Variants in TNIP1 observed in about 807,000 individuals in gnomAD.
TNIP1 encodes TNFAIP3-interacting protein 1.
A neutral mutation model predicts 86.6 loss-of-function variants in TNIP1; 22 were observed. The ratio of observed to expected loss-of-function variants is 0.25; its 90% CI spans 0.18 to 0.36. The LOEUF (loss-of-function observed/expected upper bound fraction) is 0.36, where lower values mean the gene tolerates loss of function less well. TNIP1 is among the 10% of genes least tolerant of loss of function. TNIP1 has a pLI of 1.00. For missense variants in TNIP1, 709 were observed against 820.6 expected (o/e 0.86, Z 1.66); for synonymous variants, 294 against 313.0 (o/e 0.94, Z 0.64).
intron 1 of TNIP1, among the ~76,000 whole-genome samples, chr5:151,073,964 A>G (rs901230794): frequency 1.3e-4 from 20 of 152,228 alleles, no homozygotes; most frequent in African/African-American, 4.3e-4. Flanking sequence ...CTACTAGTAG[A>G]CTGCTCTACA....
intron 8 of TNIP1, chr5:151,046,255 C>T (rs1759151615): frequency 4.9e-6 from 2 of 404,306 alleles, no homozygotes; most frequent in South Asian, 2.5e-5. Flanking sequence ...AGCCACTCTC[C>T]TCACTCCCTA....
Position 151,063,607 on chromosome 5 carries a change from T to C in TNIP1, c.271+6A>G, listed in dbSNP as rs922491845. Reference sequence around the variant, plus strand: ...AGAGTCAGAGGTACCCAGACTCCTCTTATACCTGTGAGCTCAGCCAGGGGG... The same window carrying C: ...AGAGTCAGAGGTACCCAGACTCCTCCTATACCTGTGAGCTCAGCCAGGGGG... On this transcript the variant is annotated splice_donor_region_variant and intron_variant, in intron 3 of 17. Transcript: ENST00000521591. 20 of 1,613,812 alleles carry C rather than the reference T, an allele frequency of 1.2e-5. No individual in the cohort carries two copies. In the African/African-American group the frequency reaches 1.9e-4, roughly 15 times the overall value.
At chr5:151,042,486 T>C (rs1413807175) in intron 11 of TNIP1, 54 bp downstream of exon 11, 29 of 1,587,216 alleles carry the variant, frequency 1.8e-5, no homozygotes, top group Middle Eastern at 1.7e-4. Context: ...TCCACAGAAC[T>C]CTCCGCTAAT....
chr5:151,063,897 G>A lies in TNIP1; in HGVS notation c.137-150C>T, dbSNP rs924349838. The stretch of plus-strand genomic sequence containing the variant: ...CCACCGTTGCTCTGTGGGCCAAGTG[G>A]GACAAACTCCATGCTGGTCCACCAT... On this transcript the variant is annotated intron_variant, in intron 2 of 17. Transcript: ENST00000521591. The A allele has an allele frequency of 9.5e-6, 9 of 950,052 alleles. No homozygotes were observed. In the African/African-American group the frequency reaches 1.5e-4, roughly 16 times the overall value. 58.9% of individuals were successfully genotyped at this position (950,052 alleles called of 1,614,324 possible).
chr5:151,029,956 C>T lies in TNIP1; in HGVS notation c.*757G>A. Reference sequence around the variant, plus strand: ...CATGAGTCAGAATGTTGATCTTCTTCAACTTGGATTTATGTCCATGATTCG... The same window carrying T: ...CATGAGTCAGAATGTTGATCTTCTTTAACTTGGATTTATGTCCATGATTCG... On this transcript the variant is annotated 3_prime_UTR_variant, in exon 18 of 18. Transcript: ENST00000521591. The T allele has an allele frequency of 2.4e-6, 1 of 419,906 alleles. No homozygotes were observed. Among genetic ancestry groups the T allele is most frequent in the South Asian group, 1.6e-5 (1 of 62,028 alleles). The allele number at this position is 419,906 out of a possible 1,614,324, so 26.0% of individuals were successfully genotyped here. A position where few individuals can be genotyped will look rare whatever the true frequency, so the allele number is the denominator to read the frequency against.
chr5:151,061,463 T>A (rs1285066195), intron 4 of TNIP1, among the ~76,000 whole-genome samples: 1 of 150,668 alleles, frequency 6.6e-6, no homozygotes, highest in Non-Finnish European at 1.5e-5. Context: ...GCAAAACTTC[T>A]CCAGCCAAAT....
intron 17 of TNIP1, 161 bp downstream of exon 17, chr5:151,032,126 C>T (rs1756981559): frequency 1.5e-5 from 9 of 619,826 alleles, no homozygotes; most frequent in Non-Finnish European, 2.6e-5. Flanking sequence ...CCCCCTCACT[C>T]TGTGGTTGCC....
intron 12 of TNIP1, 163 bp from the exon 13 acceptor site, chr5:151,037,084 C>T: frequency 2.4e-6 from 2 of 821,238 alleles, no homozygotes; most frequent in Non-Finnish European, 3.6e-6. Context: ...TTGCATTCTA[C>T]ACATATCATT....
chr5:151,049,722 A>T, intron 8 of TNIP1, 102 bp downstream of exon 8: 1 of 1,403,356 alleles, frequency 7.1e-7, no homozygotes, highest in Non-Finnish European at 1.0e-6. Flanking sequence ...TACCACTGGC[A>T]CTGGCTGCAG....
chr5:151,033,201 C>CGGAGG (rs1471563173), intron 16 of TNIP1, among the ~76,000 whole-genome samples: 3 of 65,956 alleles, frequency 4.5e-5, no homozygotes, highest in African/African-American at 1.2e-4. Flanking sequence ...GGGAGAGGAG[C>CGGAGG]GGAGGGGAGG....
chr5:151,041,071 CTTTT>C (rs397944698), intron 11 of TNIP1, among the ~76,000 whole-genome samples: 1 of 139,448 alleles, frequency 7.2e-6, no homozygotes, highest in Admixed American at 7.1e-5. Flanking sequence ...CTTCGTAGTA[CTTTT>C]TTTTTTTTTT....
exon 1 of TNIP1, chr5:151,087,151 G>C (rs935956776): frequency 6.5e-6 from 1 of 152,746 alleles, no homozygotes; most frequent in African/African-American, 2.4e-5. Context: ...AAGGCTCCTC[G>C]GCTCACTGTG....
At chr5:151,051,098 T>C (rs1759871738) in intron 7 of TNIP1, among the ~76,000 whole-genome samples, 1 of 152,138 alleles carries the variant, frequency 6.6e-6, no homozygotes. Context: ...GTGACTTTTT[T>C]CCCCAGCTTC....
upstream of TNIP1, among the ~76,000 whole-genome samples, chr5:151,084,691 G>A (rs1245542509): frequency 6.6e-6 from 1 of 152,204 alleles, no homozygotes; most frequent in Non-Finnish European, 1.5e-5. Flanking sequence ...GAGAATGAGT[G>A]AATCAGGGCC....
chr5:151,078,818 G>A (rs939820870), intron 1 of TNIP1, among the ~76,000 whole-genome samples: 6 of 152,318 alleles, frequency 3.9e-5, no homozygotes, highest in East Asian at 3.9e-4. Flanking sequence ...AAATCACAGC[G>A]GGTACAGGAG....
intron 9 of TNIP1, among the ~76,000 whole-genome samples, chr5:151,044,665 C>T (rs569235252): frequency 6.6e-6 from 1 of 152,264 alleles, no homozygotes; most frequent in South Asian, 2.1e-4. Flanking sequence ...AGAGAAGCAC[C>T]TGGGCTGTGT....
chr5:151,062,034 AC>A, intron 4 of TNIP1, 92 bp downstream of exon 4: 1 of 1,183,630 alleles, frequency 8.4e-7, no homozygotes, highest in Non-Finnish European at 1.2e-6. Flanking sequence ...CAGTTTCTTG[AC>A]CTCAACCCTC....
At chr5:151,065,152 T>C in intron 1 of TNIP1, 21 bp from the exon 2 acceptor site, 1 of 1,589,526 alleles carries the variant, frequency 6.3e-7, no homozygotes, top group Non-Finnish European at 8.6e-7. Context: ...AACAGCAGCA[T>C]ATCAGCAGGC....
chr5:151,035,352 C>A (rs1757557857), intron 14 of TNIP1, among the ~76,000 whole-genome samples: 1 of 152,216 alleles, frequency 6.6e-6, no homozygotes, highest in Admixed American at 6.5e-5. Context: ...AGAGTAAAGC[C>A]CAGAACTGAC....
Sources: gnomAD v4.1 joint callset for allele counts (sites outside exome capture counted in the v4.1 genomes callset) on GRCh38, gnomAD v4.1.1 for gene constraint, MANE v1.5 for transcripts, NCBI Gene and HGNC (gene_info 2026-07-23, HGNC 2026-07-21) for gene names.